The following UNC13C variants were observed in gnomAD, a reference collection of about 807,000 sequenced individuals.
UNC13C encodes unc-13 homolog C.
A neutral mutation model predicts 245.4 loss-of-function variants in UNC13C; 174 were observed. The observed-to-expected ratio is 0.71, with a 90% CI of 0.63 to 0.80. UNC13C has a LOEUF of 0.80. Ranked by LOEUF, UNC13C falls within the 30% of genes least tolerant of loss-of-function variation. The pLI is 0.00. For missense variants in UNC13C, 2,829 were observed against 2,602.9 expected, an observed-to-expected ratio of 1.09 and a Z score of -1.89; for synonymous variants, 992 against 895.1, an observed-to-expected ratio of 1.11 and a Z score of -1.93.
intron 4 of UNC13C, among the ~76,000 whole-genome samples, chr15:54,183,318 G>A (rs8035225): frequency 0.11 from 16,052 of 150,604 alleles, 1,442 homozygotes; most frequent in African/African-American, 0.24. Context: ...GAAAATGCTG[G>A]CACAATAACT....
chr15:53,926,381 T>C, the UNC13C span, among the ~76,000 whole-genome samples: 1 of 152,218 alleles, frequency 6.6e-6, no homozygotes, highest in Admixed American at 6.5e-5. Context: ...TGAGAATAAT[T>C]ATTTTTCTTT....
At chr15:53,950,528 C>A in the UNC13C span, among the ~76,000 whole-genome samples, 167 of 150,964 alleles carry the variant, frequency 1.1e-3, 1 homozygote, top group Non-Finnish European at 1.7e-3. Context: ...ATAATAATTT[C>A]TCATCTCTAA....
At chr15:54,117,553 C>CTCTG (rs1448776050) in intron 2 of UNC13C, among the ~76,000 whole-genome samples, 1 of 149,510 alleles carries the variant, frequency 6.7e-6, no homozygotes, top group Non-Finnish European at 1.5e-5. Context: ...CTCTCTCTCT[C>CTCTG]TCTCTCTCTC....
At chr15:54,476,790 G>A (rs1311138433) in intron 19 of UNC13C, among the ~76,000 whole-genome samples, 8 of 148,490 alleles carry the variant, frequency 5.4e-5, no homozygotes, top group Non-Finnish European at 8.9e-5. Context: ...TTGGTGATGC[G>A]GGCTCTTTTT....
chr15:54,235,354 A>G (rs2035664445), intron 5 of UNC13C, among the ~76,000 whole-genome samples: 1 of 152,180 alleles, frequency 6.6e-6, no homozygotes, highest in Non-Finnish European at 1.5e-5. Context: ...CTATGACCCT[A>G]ATAATTGGAG....
At chr15:54,425,938 C>G (rs1235464720) in intron 19 of UNC13C, among the ~76,000 whole-genome samples, 1 of 151,760 alleles carries the variant, frequency 6.6e-6, no homozygotes, top group Non-Finnish European at 1.5e-5. Flanking sequence ...CTTTCTCTCA[C>G]AAGCTTCCAG....
chr15:54,413,145 T>C (rs2040447923), intron 18 of UNC13C, among the ~76,000 whole-genome samples: 1 of 152,118 alleles, frequency 6.6e-6, no homozygotes, highest in Non-Finnish European at 1.5e-5. Flanking sequence ...GTATTGTTCA[T>C]TTTATATATT....
At chr15:53,887,003 A>G in the UNC13C span, among the ~76,000 whole-genome samples, 23 of 152,324 alleles carry the variant, frequency 1.5e-4, no homozygotes, top group African/African-American at 4.3e-4. Flanking sequence ...CCATGGAATT[A>G]TGACAACTAA....
rs914497305 is a variant in UNC13C at position 54,097,214 on chromosome 15, A to G, written c.2984-45804A>G. Among the ~76,000 whole-genome samples the G allele has an allele frequency of 3.3e-5, 5 of 152,202 alleles. No homozygotes were observed. In the East Asian group the frequency reaches 9.6e-4, roughly 29 times the overall value. On this transcript the variant is annotated intron_variant, in intron 2 of 32. Coordinates refer to ENST00000260323, the MANE Select transcript of UNC13C (RefSeq NM_001080534.3). Reference sequence around the variant, plus strand: ...TCTTTTGTATTTGTCTAAGACAGTCACTGCTCCTTCTTTCAAGTTTACTTT... The same window carrying G: ...TCTTTTGTATTTGTCTAAGACAGTCGCTGCTCCTTCTTTCAAGTTTACTTT...
intron 18 of UNC13C, among the ~76,000 whole-genome samples, chr15:54,404,877 A>C (rs928555489): frequency 1.6e-4 from 24 of 152,176 alleles, no homozygotes; most frequent in Non-Finnish European, 2.9e-5. Flanking sequence ...CTGTGAGTAC[A>C]TAAACATTTT....
intron 10 of UNC13C, among the ~76,000 whole-genome samples, chr15:54,278,313 C>T (rs1354413679): frequency 6.6e-6 from 1 of 152,112 alleles, no homozygotes. Flanking sequence ...CTGCTCCCTA[C>T]TTTAGAGTCA....
chr15:54,489,409 G>A (rs2141078967), intron 19 of UNC13C, among the ~76,000 whole-genome samples: 1 of 152,268 alleles, frequency 6.6e-6, no homozygotes, highest in South Asian at 2.1e-4. Flanking sequence ...GTGCAGTGGT[G>A]CATCAATTCA....
At chr15:54,301,698 T>C (rs1295972520) in intron 13 of UNC13C, among the ~76,000 whole-genome samples, 1 of 152,218 alleles carries the variant, frequency 6.6e-6, no homozygotes, top group Non-Finnish European at 1.5e-5. Flanking sequence ...TTGATGGGCA[T>C]TTGGGTTGGT....
chr15:54,412,005 T>G (rs2040425271), intron 18 of UNC13C, among the ~76,000 whole-genome samples: 1 of 152,134 alleles, frequency 6.6e-6, no homozygotes, highest in South Asian at 2.1e-4. Flanking sequence ...CTTGTACATA[T>G]TATCTTAGAT....
intron 4 of UNC13C, among the ~76,000 whole-genome samples, chr15:54,230,321 T>C (rs1039157821): frequency 1.3e-5 from 2 of 152,146 alleles, no homozygotes; most frequent in African/African-American, 2.4e-5. Flanking sequence ...TGGTTTAATT[T>C]TGCATTTCAG....
At chr15:54,048,825 A>G (rs1287274021) in intron 2 of UNC13C, 1 of 243,662 alleles carries the variant, frequency 4.1e-6, no homozygotes, top group East Asian at 1.2e-4. Flanking sequence ...AAAACTCACA[A>G]TTTGGGAATT....
the UNC13C span, among the ~76,000 whole-genome samples, chr15:53,941,422 C>A: frequency 6.6e-6 from 1 of 152,106 alleles, no homozygotes; most frequent in African/African-American, 2.4e-5. Flanking sequence ...AAAGCAATTG[C>A]AACCAAAGAA....
At chr15:54,495,414 G>T (rs1893904923) in intron 20 of UNC13C, among the ~76,000 whole-genome samples, 1 of 151,990 alleles carries the variant, frequency 6.6e-6, no homozygotes, top group Non-Finnish European at 1.5e-5. Flanking sequence ...AATTTAAGGA[G>T]CATAAGCAAA....
chr15:54,022,442 G>A (rs1367058877), intron 2 of UNC13C, among the ~76,000 whole-genome samples: 2 of 152,006 alleles, frequency 1.3e-5, no homozygotes, highest in East Asian at 1.9e-4. Flanking sequence ...AGAGTAGCTG[G>A]GATTACAAGC....
Sources: allele counts gnomAD v4.1 joint callset (sites outside exome capture counted in the v4.1 genomes callset), GRCh38; gene constraint gnomAD v4.1.1; transcripts MANE v1.5; gene names NCBI Gene and HGNC (gene_info 2026-07-23, HGNC 2026-07-21).